Variants in MECOM observed in about 807,000 individuals in gnomAD.
MECOM encodes the protein histone-lysine N-methyltransferase MECOM.
MECOM carries 13 observed loss-of-function variants against 116.3 expected under a neutral mutation model. The observed-to-expected ratio is 0.11, with a 90% CI of 0.07 to 0.18. MECOM has a LOEUF of 0.18. MECOM is among the 10% of genes least tolerant of loss of function. The pLI is 1.00. For synonymous variants in MECOM, 528 were observed against 535.2 expected, an observed-to-expected ratio of 0.99 and a Z score of 0.19; for missense variants, 1,299 against 1,509.0, an observed-to-expected ratio of 0.86 and a Z score of 2.31.
At chr3:169,537,025 T>C (rs928484231) in intron 1 of MECOM, among the ~76,000 whole-genome samples, 3 of 152,174 alleles carry the variant, frequency 2.0e-5, no homozygotes, top group East Asian at 1.9e-4. Context: ...CTAATCCAGA[T>C]CTTTGTAATT....
chr3:169,212,150 T>C (rs765320015), intron 2 of MECOM, among the ~76,000 whole-genome samples: 3 of 152,074 alleles, frequency 2.0e-5, no homozygotes, highest in African/African-American at 7.2e-5. Flanking sequence ...TTAGAATATA[T>C]CTAGGAACTA....
intron 1 of MECOM, among the ~76,000 whole-genome samples, chr3:169,469,300 G>T (rs770593810): frequency 6.6e-6 from 1 of 152,160 alleles, no homozygotes; most frequent in Non-Finnish European, 1.5e-5. Context: ...AAGAAGTACA[G>T]GTCACCAATC....
intron 1 of MECOM, among the ~76,000 whole-genome samples, chr3:169,617,854 A>T (rs957455107): frequency 1.3e-5 from 2 of 152,180 alleles, no homozygotes; most frequent in African/African-American, 4.8e-5. Flanking sequence ...AGAGAGTTTC[A>T]GGCCCTGAAC....
chr3:169,485,861 T>C lies in MECOM; in HGVS notation c.38-104337A>G, dbSNP rs1210581778. ...TATGTGTGTGTGTGTATATACCATA[T>C]GTATAGTATATATGTATATATATGT... On this transcript the variant is annotated intron_variant, in intron 1 of 16. Transcript: ENST00000651503. Among the ~76,000 whole-genome samples the C allele has an allele frequency of 7.5e-5, 9 of 119,874 alleles. 1 individual carries two copies. In the Admixed American group the frequency reaches 8.4e-4, roughly 11 times the overall value. The allele number at this position is 119,874 out of a possible 152,430, so 78.6% of individuals were successfully genotyped here. A position where few individuals can be genotyped will look rare whatever the true frequency, so the allele number is the denominator to read the frequency against.
At chr3:169,646,730 A>G (rs1363317459) in intron 1 of MECOM, among the ~76,000 whole-genome samples, 1 of 152,226 alleles carries the variant, frequency 6.6e-6, no homozygotes, top group Non-Finnish European at 1.5e-5. Flanking sequence ...TACTGTCACA[A>G]TACATTGTTT....
At chr3:169,298,397 A>T (rs1423030705) in intron 2 of MECOM, among the ~76,000 whole-genome samples, 1 of 151,920 alleles carries the variant, frequency 6.6e-6, no homozygotes, top group Admixed American at 6.6e-5. Flanking sequence ...CAATATGAAG[A>T]TGCAGAGAGA....
In MECOM at chr3:169,084,819, G is replaced by A. The variant is rs1717123377; in HGVS notation, c.*90C>T. On this transcript the variant is annotated 3_prime_UTR_variant, in exon 17 of 17. Coordinates refer to ENST00000651503, the MANE Select transcript of MECOM (RefSeq NM_004991.4). Reference sequence around the variant, plus strand: ...ATGAGTGACCCTGCAGGTTTATAAGGCATTCTGCTCAGCAGTCTTGTAAAT... The same window carrying A: ...ATGAGTGACCCTGCAGGTTTATAAGACATTCTGCTCAGCAGTCTTGTAAAT... The A allele has an allele frequency of 7.0e-7, 1 of 1,435,664 alleles. No homozygotes were observed. The highest frequency in any genetic ancestry group is 2.3e-5 in the East Asian group (1 of 43,456). The allele number at this position is 1,435,664 out of a possible 1,614,324, so 88.9% of individuals were successfully genotyped here.
At chr3:169,509,478 C>T (rs1409841331) in intron 1 of MECOM, among the ~76,000 whole-genome samples, 9 of 152,164 alleles carry the variant, frequency 5.9e-5, no homozygotes, top group Non-Finnish European at 8.8e-5. Flanking sequence ...AACTGAAACT[C>T]TGTACCCAAT....
intron 1 of MECOM, among the ~76,000 whole-genome samples, chr3:169,574,341 T>G (rs896816851): frequency 6.6e-6 from 1 of 152,200 alleles, no homozygotes; most frequent in Non-Finnish European, 1.5e-5. Context: ...TCTTATTTCC[T>G]TTTCTTTTAG....
At chr3:169,485,953 G>GTATATATATACTATATATACTATATA (rs1560340522) in intron 1 of MECOM, among the ~76,000 whole-genome samples, 1 of 103,984 alleles carries the variant, frequency 9.6e-6, no homozygotes, top group Admixed American at 1.1e-4. Context: ...ATGTATATAT[G>GTATATATATACTATATATACTATATA]TACATATATA....
At chr3:169,133,003 C>T (rs970966864) in intron 3 of MECOM, among the ~76,000 whole-genome samples, 4 of 151,928 alleles carry the variant, frequency 2.6e-5, no homozygotes, top group Non-Finnish European at 4.4e-5. Context: ...ATCTGCCCAT[C>T]TAGGCCTCTC....
chr3:169,653,534 T>C (rs1016727373), intron 1 of MECOM, among the ~76,000 whole-genome samples: 3 of 152,172 alleles, frequency 2.0e-5, no homozygotes, highest in African/African-American at 7.2e-5. Flanking sequence ...ATTTTGACAG[T>C]CAGTGTACAG....
intron 2 of MECOM, among the ~76,000 whole-genome samples, chr3:169,296,324 G>A (rs1314490251): frequency 6.6e-6 from 1 of 152,244 alleles, no homozygotes; most frequent in East Asian, 1.9e-4. Flanking sequence ...TGTGAGAACA[G>A]AGTGAGTGGG....
chr3:169,477,043 T>A (rs904425584), intron 1 of MECOM: 15 of 143,234 alleles, frequency 1.0e-4, no homozygotes, highest in African/African-American at 3.1e-4. Flanking sequence ...AACTCCTACA[T>A]GCGACATAAT....
intron 2 of MECOM, among the ~76,000 whole-genome samples, chr3:169,230,286 A>C (rs772605416): frequency 6.6e-6 from 1 of 152,060 alleles, no homozygotes; most frequent in Non-Finnish European, 1.5e-5. Flanking sequence ...CCCTTTATCA[A>C]CTTAGCCAGC....
rs113074175 is a variant in MECOM, at chr3:169,403,163, C to A, written c.38-21639G>T. On this transcript the variant is annotated intron_variant, in intron 1 of 16. Coordinates refer to ENST00000651503, the MANE Select transcript of MECOM (RefSeq NM_004991.4). ...ATCCTCCCATCCCAGAACTCTAAATCCCCAGAGCACAGTACTGGGTGGCTC... is the reference window on the plus strand; with the variant it reads ...ATCCTCCCATCCCAGAACTCTAAATACCCAGAGCACAGTACTGGGTGGCTC... Among the ~76,000 whole-genome samples the A allele has an allele frequency of 1.9e-3, 291 of 152,304 alleles. 2 individuals are homozygous for A. Among genetic ancestry groups the A allele is most frequent in the African/African-American group, 6.6e-3 (273 of 41,570 alleles).
intron 2 of MECOM, among the ~76,000 whole-genome samples, chr3:169,378,508 A>G (rs1225534926): frequency 3.4e-5 from 1 of 29,024 alleles, no homozygotes; most frequent in African/African-American, 2.4e-4. Flanking sequence ...AAAGAAAGAA[A>G]GAAAGAAAAG....
intron 1 of MECOM, among the ~76,000 whole-genome samples, chr3:169,552,115 G>A (rs1003439803): frequency 1.9e-4 from 26 of 137,908 alleles, no homozygotes; most frequent in African/African-American, 6.4e-4. Flanking sequence ...CAGTGGTAAT[G>A]CTTATACAAC....
At chr3:169,614,113 TC>T (rs1355960530) in intron 1 of MECOM, among the ~76,000 whole-genome samples, 1 of 70,124 alleles carries the variant, frequency 1.4e-5, no homozygotes, top group Non-Finnish European at 3.0e-5. Flanking sequence ...TTTTCTTTTT[TC>T]TTTTTTTTTT....
Sources: gnomAD v4.1 joint callset for allele counts (sites outside exome capture counted in the v4.1 genomes callset) on GRCh38, gnomAD v4.1.1 for gene constraint, MANE v1.5 for transcripts, NCBI Gene and HGNC (gene_info 2026-07-23, HGNC 2026-07-21) for gene names.